The following PGLS variants were observed in gnomAD, a reference collection of about 807,000 sequenced individuals.
The protein encoded by PGLS is epididymis secretory protein Li 304.
Under a neutral mutation model 23.2 loss-of-function variants are expected in PGLS, and 21 were observed. That is an observed-to-expected ratio of 0.91 (90% confidence interval 0.64 to 1.31). The LOEUF is 1.31. Among genes scored for constraint, PGLS ranks in the 50% most tolerant of loss-of-function variants. The pLI is 0.00. For missense variants in PGLS, 410 were observed against 354.0 expected, an observed-to-expected ratio of 1.16 and a Z score of -1.27; for synonymous variants, 179 against 165.4, an observed-to-expected ratio of 1.08 and a Z score of -0.63.
At position 17,511,806 on chromosome 19, in the gene PGLS, T is replaced by TCGTCTC. The variant is rs1568431271; in HGVS notation, c.134_135insCGTCTC (p.Leu45_Ser46insValSer). On this transcript the variant is annotated inframe_insertion, in exon 1 of 5. Coordinates refer to ENST00000252603, the MANE Select transcript of PGLS (RefSeq NM_012088.3). ...GCCCGCGCCCGTTTCGCGCTCGGCC[T>TCGTCTC]GTCGGGCGGGAGCCTCGTCTCGATG... 2 of 1,505,956 alleles carry TCGTCTC rather than the reference T, an allele frequency of 1.3e-6. No homozygotes were observed. Among genetic ancestry groups the TCGTCTC allele is most frequent in the Non-Finnish European group, 1.8e-6 (2 of 1,132,354 alleles). 93.3% of individuals were successfully genotyped at this position (1,505,956 alleles called of 1,614,324 possible). A position where few individuals can be genotyped will look rare whatever the true frequency, so the allele number is the denominator to read the frequency against.
intron 2 of PGLS, 36 bp from the exon 3 acceptor site, chr19:17,517,252 T>C: frequency 7.1e-7 from 1 of 1,403,966 alleles, no homozygotes; most frequent in Non-Finnish European, 1.0e-6. Flanking sequence ...CCCTGCCACC[T>C]ACAACCTCTC....
At chr19:17,512,043 G>T in intron 1 of PGLS, 83 bp downstream of exon 1, 1 of 1,390,122 alleles carries the variant, frequency 7.2e-7, no homozygotes, top group Non-Finnish European at 9.5e-7. Context: ...GCCGCCGGGG[G>T]CCATGCCGAA....
intron 1 of PGLS, among the ~76,000 whole-genome samples, chr19:17,515,205 G>A (rs996833321): frequency 1.3e-5 from 2 of 152,138 alleles, no homozygotes; most frequent in Non-Finnish European, 2.9e-5. Context: ...ATACGATTGT[G>A]TCCCTCCCCA....
intron 4 of PGLS, among the ~76,000 whole-genome samples, chr19:17,518,930 C>G (rs7251020): frequency 6.6e-6 from 1 of 151,974 alleles, no homozygotes; most frequent in Non-Finnish European, 1.5e-5. Flanking sequence ...GAGGATTACT[C>G]GAGCTCAGGA....
At chr19:17,513,315 G>T (rs544784535) in intron 1 of PGLS, 1 of 151,530 alleles carries the variant, frequency 6.6e-6, no homozygotes, top group African/African-American at 2.4e-5. Context: ...GGATCACGAG[G>T]TCAGGAGTTT....
In PGLS at chr19:17,521,147, G is replaced by A. The variant is rs530440425; in HGVS notation, c.*66G>A. ...CCATGGGGCTGGGCCCCTGCTGGCCGCCACTCTCCGGGCTCTCCTTTCAAA... is the reference window on the plus strand; with the variant it reads ...CCATGGGGCTGGGCCCCTGCTGGCCACCACTCTCCGGGCTCTCCTTTCAAA... On this transcript the variant is annotated 3_prime_UTR_variant, in exon 5 of 5. Coordinates refer to ENST00000252603, the MANE Select transcript of PGLS (RefSeq NM_012088.3). 573 of 1,431,212 alleles carry A rather than the reference G, an allele frequency of 4.0e-4. 2 individuals are homozygous for A. The African/African-American group carries it at 6.3e-3, about 16-fold the overall frequency. The allele number at this position is 1,431,212 out of a possible 1,614,324, so 88.7% of individuals were successfully genotyped here.
intron 2 of PGLS, 148 bp downstream of exon 2, chr19:17,516,428 A>G (rs943741696): frequency 4.6e-5 from 66 of 1,424,556 alleles, no homozygotes; most frequent in Non-Finnish European, 6.0e-5. Flanking sequence ...TCGAGGCCAC[A>G]GCCCTGCCCT....
intron 4 of PGLS, among the ~76,000 whole-genome samples, chr19:17,518,167 G>A (rs1427899073): frequency 6.6e-6 from 1 of 152,062 alleles, no homozygotes; most frequent in East Asian, 1.9e-4. Flanking sequence ...GCAAACTATT[G>A]AAATAAATCA....
At chr19:17,518,149 A>G (rs545711990) in intron 4 of PGLS, among the ~76,000 whole-genome samples, 1 of 152,308 alleles carries the variant, frequency 6.6e-6, no homozygotes, top group East Asian at 1.9e-4. Flanking sequence ...AAAAAAAATT[A>G]TTAAGTAGCA....
intron 1 of PGLS, among the ~76,000 whole-genome samples, chr19:17,515,194 G>A (rs1200140415): frequency 6.6e-6 from 1 of 152,076 alleles, no homozygotes; most frequent in Non-Finnish European, 1.5e-5. Flanking sequence ...TCCAACTATG[G>A]ATACGATTGT....
intron 3 of PGLS, 71 bp from the exon 4 acceptor site, chr19:17,517,639 G>A (rs1386902235): frequency 1.3e-6 from 2 of 1,525,318 alleles, no homozygotes; most frequent in African/African-American, 2.7e-5. Flanking sequence ...ACCAGGCCTG[G>A]TGTGTGTAAG....
At chr19:17,512,915 A>T (rs1318342645) in intron 1 of PGLS, 1 of 152,240 alleles carries the variant, frequency 6.6e-6, no homozygotes, top group Non-Finnish European at 1.5e-5. Context: ...TCCGTACCAC[A>T]GCCTATGAGA....
intron 4 of PGLS, among the ~76,000 whole-genome samples, chr19:17,519,649 CT>C (rs1424888744): frequency 1.3e-5 from 2 of 152,082 alleles, no homozygotes; most frequent in Non-Finnish European, 2.9e-5. Flanking sequence ...ATCCGCCCCC[CT>C]CGGCCTCCCA....
chr19:17,518,955 T>C (rs2075545375), intron 4 of PGLS, among the ~76,000 whole-genome samples: 1 of 152,102 alleles, frequency 6.6e-6, no homozygotes, highest in Admixed American at 6.6e-5. Context: ...GAAGCTATAG[T>C]GAAATGTAAT....
Position 17,516,734 on chromosome 19 carries a change from G to A in PGLS, c.396+454G>A, listed in dbSNP as rs186873029. Among the ~76,000 whole-genome samples, 354 of 152,078 alleles carry A rather than the reference G, an allele frequency of 2.3e-3. 1 individual carries two copies. Among genetic ancestry groups the A allele is most frequent in the African/African-American group, 7.8e-3 (324 of 41,478 alleles). On this transcript the variant is annotated intron_variant, in intron 2 of 4. Transcript: ENST00000252603. The stretch of plus-strand genomic sequence containing the variant: ...TGAGTAGCTGGGACTACGGGTGCCC[G>A]CCACCACGCCTGGTTAATTTTTTTG...
intron 1 of PGLS, chr19:17,515,934 C>T: frequency 7.2e-6 from 3 of 416,696 alleles, no homozygotes; most frequent in South Asian, 2.3e-5. Flanking sequence ...CTTGAACCTC[C>T]TCTGCCCTGA....
intron 1 of PGLS, among the ~76,000 whole-genome samples, chr19:17,514,464 C>A (rs1167207103): frequency 6.6e-6 from 1 of 151,728 alleles, no homozygotes; most frequent in Non-Finnish European, 1.5e-5. Context: ...TCCTTCCTCC[C>A]TTCCTATACT....
At chr19:17,515,485 A>G (rs1041324328) in intron 1 of PGLS, among the ~76,000 whole-genome samples, 2 of 151,658 alleles carry the variant, frequency 1.3e-5, no homozygotes, top group Non-Finnish European at 2.9e-5. Context: ...GCTGCCAACG[A>G]CTCCACCATT....
In PGLS at chr19:17,513,512, T is replaced by TAAAA. The variant is rs34816451; in HGVS notation, c.288+1563_288+1566dup. Reference sequence around the variant, plus strand: ...CGACAGAGTGAGACTGTCTTAAAGATAAAAAAAAAAAAAAGCAGGTTTTTG... The same window carrying TAAAA: ...CGACAGAGTGAGACTGTCTTAAAGATAAAAAAAAAAAAAAAAAAGCAGGTTTTTG... On this transcript the variant is annotated intron_variant, in intron 1 of 4. Coordinates refer to ENST00000252603, the MANE Select transcript of PGLS (RefSeq NM_012088.3). 2.0e-3 allele frequency among the ~76,000 whole-genome samples: 277 copies of TAAAA among 137,846 alleles called. 3 individuals are homozygous for TAAAA. Among genetic ancestry groups the TAAAA allele is most frequent in the Middle Eastern group, 3.9e-3 (1 of 258 alleles). The allele number at this position is 137,846 out of a possible 152,430, so 90.4% of individuals were successfully genotyped here.
Sources: gnomAD v4.1 joint callset for allele counts (sites outside exome capture counted in the v4.1 genomes callset) on GRCh38, gnomAD v4.1.1 for gene constraint, MANE v1.5 for transcripts, NCBI Gene and HGNC (gene_info 2026-07-23, HGNC 2026-07-21) for gene names.